CDH2: variants seen among roughly 807,000 people sequenced by gnomAD.
CDH2 encodes cadherin-2.
In CDH2, 17 loss-of-function variants were observed where a neutral mutation model predicts 92.0. That is an observed-to-expected ratio of 0.18 (90% CI 0.13 to 0.28). CDH2 has a LOEUF of 0.28. Among genes scored for constraint, CDH2 ranks in the 10% least tolerant of loss-of-function variants. The pLI is 1.00. For synonymous variants in CDH2, 419 were observed against 415.9 expected, an observed-to-expected ratio of 1.01 and a Z score of -0.09; for missense variants, 862 against 1,133.1, an observed-to-expected ratio of 0.76 and a Z score of 3.44.
chr18:28,047,110 G>A (rs1297018448), intron 2 of CDH2, among the ~76,000 whole-genome samples: 1 of 152,130 alleles, frequency 6.6e-6, no homozygotes, highest in Non-Finnish European at 1.5e-5. Flanking sequence ...TAATCTGCCA[G>A]GCTCCAGGCA....
At chr18:27,983,158 AC>A (rs1430422829) in intron 13 of CDH2, 75 bp from the exon 14 acceptor site, 7 of 1,136,350 alleles carry the variant, frequency 6.2e-6, no homozygotes, top group Non-Finnish European at 8.9e-6. Flanking sequence ...AGTATTCAGT[AC>A]TAATAATTTA....
chr18:27,934,941 G>A (rs1908983260), intron 6 of CDH2, among the ~76,000 whole-genome samples: 1 of 152,176 alleles, frequency 6.6e-6, no homozygotes, highest in South Asian at 2.1e-4. Flanking sequence ...ACACAGGTCT[G>A]AGTATGATCT....
chr18:28,020,446 CTT>C (rs2013378834), intron 2 of CDH2, among the ~76,000 whole-genome samples: 1 of 151,818 alleles, frequency 6.6e-6, no homozygotes, highest in Admixed American at 6.6e-5. Context: ...AAAAATTAAA[CTT>C]TGATGATGAA....
At chr18:28,070,919 A>AT (rs45579837) in intron 2 of CDH2, among the ~76,000 whole-genome samples, 3,660 of 151,776 alleles carry the variant, frequency 0.024, 62 homozygotes, top group East Asian at 0.053. Context: ...CTGTTTTTCA[A>AT]TTTTTTTTCT....
intron 2 of CDH2, among the ~76,000 whole-genome samples, chr18:28,113,054 A>G (rs1299801931): frequency 6.6e-6 from 1 of 152,188 alleles, no homozygotes; most frequent in Non-Finnish European, 1.5e-5. Flanking sequence ...TCTCCTTTCA[A>G]TACAACTGAT....
intron 2 of CDH2, among the ~76,000 whole-genome samples, chr18:28,020,768 G>A (rs539202807): frequency 1.3e-5 from 2 of 152,040 alleles, no homozygotes; most frequent in South Asian, 4.1e-4. Context: ...AATCCATAGA[G>A]CTGTGTAACA....
At chr18:27,986,111 C>G (rs997822237) in intron 11 of CDH2, among the ~76,000 whole-genome samples, 2 of 152,270 alleles carry the variant, frequency 1.3e-5, no homozygotes, top group Non-Finnish European at 1.5e-5. Flanking sequence ...GATGCAAACA[C>G]AGGGCTCGTG....
Position 27,951,062 on chromosome 18 carries a change from G to T in CDH2, c.*1091C>A, listed in dbSNP as rs1909414995. On this transcript the variant is annotated 3_prime_UTR_variant, in exon 16 of 16. Coordinates refer to ENST00000269141, the MANE Select transcript of CDH2 (RefSeq NM_001792.5). ...TACAGAGGCAAAGCTGTTGTCAGAAGTCTCTCCAGTTTAAAAGCTTTTTTT... is the reference window on the plus strand; with the variant it reads ...TACAGAGGCAAAGCTGTTGTCAGAATTCTCTCCAGTTTAAAAGCTTTTTTT... 1 of 151,362 alleles carries T rather than the reference G, an allele frequency of 6.6e-6. No individual in the cohort carries two copies. Among genetic ancestry groups the T allele is most frequent in the African/African-American group, 2.4e-5 (1 of 41,064 alleles). 9.4% of individuals were successfully genotyped at this position (151,362 alleles called of 1,614,324 possible).
intron 6 of CDH2, among the ~76,000 whole-genome samples, chr18:28,004,230 G>A (rs1436261272): frequency 6.6e-6 from 1 of 152,194 alleles, no homozygotes; most frequent in Non-Finnish European, 1.5e-5. Context: ...CAACAGGGCA[G>A]GAACTAGCTT....
In CDH2 at chr18:28,005,381, C is replaced by A. The variant is rs568026599; in HGVS notation, c.847+468G>T. Among the ~76,000 whole-genome samples, 18 of 152,252 alleles carry A rather than the reference C, an allele frequency of 1.2e-4. No individual in the cohort carries two copies. The South Asian group carries it at 3.7e-3, about 32-fold the overall frequency. ...AGCAATCACAGATGTTACTAAGCCCCTTCCATGCTTTCGCTATGACTTCGC... is the reference window on the plus strand; with the variant it reads ...AGCAATCACAGATGTTACTAAGCCCATTCCATGCTTTCGCTATGACTTCGC... On this transcript the variant is annotated intron_variant, in intron 6 of 15. Transcript: ENST00000269141.
chr18:28,115,602 G>T (rs1174814517), intron 2 of CDH2, among the ~76,000 whole-genome samples: 2 of 152,120 alleles, frequency 1.3e-5, no homozygotes, highest in Admixed American at 6.6e-5. Flanking sequence ...ACAGAAGATG[G>T]CTGCGGCCCT....
Position 27,978,100 on chromosome 18 carries a change from C to G in CDH2, c.2349+4844G>C, listed in dbSNP as rs142337780. On this transcript the variant is annotated intron_variant, in intron 14 of 15. Coordinates refer to ENST00000269141, the MANE Select transcript of CDH2 (RefSeq NM_001792.5). ...ACCCAGTGTATTTCATACCGCTGAA[C>G]TTCTCAGGAACTGACCATGATTTTA... Among the ~76,000 whole-genome samples the G allele has an allele frequency of 2.7e-3, 417 of 152,314 alleles. 1 individual carries two copies. The highest frequency in any genetic ancestry group is 8.6e-3 in the African/African-American group (358 of 41,560).
intron 2 of CDH2, among the ~76,000 whole-genome samples, chr18:28,103,009 A>T (rs1194163824): frequency 6.6e-6 from 1 of 151,700 alleles, no homozygotes; most frequent in African/African-American, 2.4e-5. Context: ...TTATTTGCCT[A>T]TAAAAAATAC....
At chr18:28,102,243 AT>A (rs893237681) in intron 2 of CDH2, among the ~76,000 whole-genome samples, 5 of 151,982 alleles carry the variant, frequency 3.3e-5, no homozygotes, top group African/African-American at 4.8e-5. Flanking sequence ...AAAAAATCTT[AT>A]TTTTTTTCAT....
intron 2 of CDH2, among the ~76,000 whole-genome samples, chr18:28,045,988 T>G (rs1248129650): frequency 6.6e-6 from 1 of 152,240 alleles, no homozygotes; most frequent in Admixed American, 6.5e-5. Context: ...TGTTCATCTT[T>G]ATGATTTCTG....
intron 2 of CDH2, among the ~76,000 whole-genome samples, chr18:28,102,853 G>T (rs1392261742): frequency 1.3e-5 from 2 of 151,598 alleles, no homozygotes; most frequent in African/African-American, 4.8e-5. Context: ...TACAGTTTAT[G>T]GTGAGCAATG....
At chr18:28,043,713 A>G (rs2014009091) in intron 2 of CDH2, among the ~76,000 whole-genome samples, 1 of 150,656 alleles carries the variant, frequency 6.6e-6, no homozygotes. Context: ...TCTCATTCTG[A>G]GTTAACAAGT....
In CDH2 at chr18:28,080,195, A is replaced by G. The variant is rs146492996; in HGVS notation, c.173-66286T>C. On this transcript the variant is annotated intron_variant, in intron 2 of 15. Transcript: ENST00000269141. The stretch of plus-strand genomic sequence containing the variant: ...TGACACTGGCTTTAAGGGCAAAGAG[A>G]GAATTAGCAATAAAGAGGAAGGTCA... Among the ~76,000 whole-genome samples the G allele has an allele frequency of 3.9e-5, 6 of 152,324 alleles. No homozygotes were observed. In the East Asian group the frequency reaches 1.2e-3, roughly 29 times the overall value.
At chr18:28,169,597 T>A (rs1240086332) in intron 1 of CDH2, among the ~76,000 whole-genome samples, 1 of 152,166 alleles carries the variant, frequency 6.6e-6, no homozygotes, top group African/African-American at 2.4e-5. Context: ...ATGTTTTTAA[T>A]TACACAAAAA....
Sources: gnomAD v4.1 joint callset for allele counts (sites outside exome capture counted in the v4.1 genomes callset) on GRCh38, gnomAD v4.1.1 for gene constraint, MANE v1.5 for transcripts, NCBI Gene and HGNC (gene_info 2026-07-23, HGNC 2026-07-21) for gene names.